CLASP1: variants seen among roughly 807,000 people sequenced by gnomAD.
CLASP1 encodes the protein CLIP-associating protein 1.
A neutral mutation model predicts 192.3 loss-of-function variants in CLASP1; 38 were observed. The ratio of observed to expected loss-of-function variants is 0.20; its 90% CI spans 0.15 to 0.26. The LOEUF is 0.26. CLASP1 is among the 10% of genes least tolerant of loss of function. The pLI is 1.00. For missense variants in CLASP1, 1,433 were observed against 1,932.5 expected, an observed-to-expected ratio of 0.74 and a Z score of 4.85; for synonymous variants, 691 against 712.8, an observed-to-expected ratio of 0.97 and a Z score of 0.49.
exon 40 of CLASP1, chr2:121,340,906 G>T (rs1422882206): frequency 1.2e-6 from 2 of 1,611,790 alleles, no homozygotes; most frequent in Non-Finnish European, 1.7e-6. Flanking sequence ...TGTTGCTGTT[G>T]GTGGTCTGGG....
intron 8 of CLASP1, among the ~76,000 whole-genome samples, chr2:121,479,121 A>G (rs1168683736): frequency 6.8e-6 from 1 of 146,606 alleles, no homozygotes; most frequent in Non-Finnish European, 1.5e-5. Context: ...CCTAAGACCA[A>G]GAACAAGGGA....
At chr2:121,578,496 G>A (rs889272483) in intron 2 of CLASP1, among the ~76,000 whole-genome samples, 15 of 148,618 alleles carry the variant, frequency 1.0e-4, no homozygotes, top group Admixed American at 4.0e-4. Context: ...TTGGGAGGCC[G>A]AGGCTGGCGG....
exon 2 of CLASP1, chr2:121,605,961 C>T (rs1181466415): frequency 1.4e-5 from 20 of 1,446,066 alleles, no homozygotes; most frequent in South Asian, 3.7e-5. Context: ...TCCCAGCAGA[C>T]GTATCTGGGA....
chr2:121,477,267 T>C (rs1331583302), intron 8 of CLASP1, among the ~76,000 whole-genome samples: 1 of 152,252 alleles, frequency 6.6e-6, no homozygotes, highest in Non-Finnish European at 1.5e-5. Context: ...TGTGAATGGA[T>C]GAAAATCTTT....
intron 5 of CLASP1, among the ~76,000 whole-genome samples, chr2:121,526,742 T>C (rs1358452029): frequency 6.6e-6 from 1 of 152,230 alleles, no homozygotes; most frequent in Admixed American, 6.5e-5. Context: ...AGTGATTACC[T>C]GAAGGTAACA....
At chr2:121,645,615 C>T (rs2073041141) in intron 1 of CLASP1, among the ~76,000 whole-genome samples, 1 of 152,142 alleles carries the variant, frequency 6.6e-6, no homozygotes, top group Admixed American at 6.5e-5. Context: ...CCTGTGCCAT[C>T]AAGGATCTAG....
chr2:121,382,359 A>C, intron 32 of CLASP1, 35 bp from the exon 34 acceptor site: 1 of 1,392,944 alleles, frequency 7.2e-7, no homozygotes. Context: ...CAGAGAGAGA[A>C]ATACAAAAAG....
chr2:121,526,917 C>A (rs1005289666), intron 5 of CLASP1, among the ~76,000 whole-genome samples: 2 of 151,956 alleles, frequency 1.3e-5, no homozygotes, highest in Non-Finnish European at 2.9e-5. Context: ...TAGATAAATA[C>A]AAATTAAAAC....
intron 1 of CLASP1, among the ~76,000 whole-genome samples, chr2:121,635,099 T>C (rs752535008): frequency 6.6e-6 from 1 of 151,776 alleles, no homozygotes; most frequent in Non-Finnish European, 1.5e-5. Context: ...CCCAGCACTT[T>C]AGGAGGCTGA....
chr2:121,621,985 T>C (rs925708770), intron 1 of CLASP1, among the ~76,000 whole-genome samples: 17 of 152,050 alleles, frequency 1.1e-4, no homozygotes, highest in African/African-American at 4.1e-4. Flanking sequence ...CCAGCTGGGA[T>C]TACAGGCGTG....
In CLASP1 at chr2:121,480,647, G is replaced by A. The variant is rs548411300; in HGVS notation, c.713-10687C>T. ...GCTTCTGTTTCCCTGTGTGAAAAAG[G>A]ATGATCCTGTCTACCTATGAAATGT... On this transcript the variant is annotated intron_variant, in intron 8 of 39. Transcript: ENST00000263710. Among the ~76,000 whole-genome samples, 3 of 152,294 alleles carry A rather than the reference G, an allele frequency of 2.0e-5. 1 individual carries two copies. Among genetic ancestry groups the A allele is most frequent in the African/African-American group, 7.2e-5 (3 of 41,562 alleles).
In CLASP1 at chr2:121,569,276, G is replaced by A. The variant is rs143839431; in HGVS notation, c.195+36425C>T. On this transcript the variant is annotated intron_variant, in intron 2 of 39. Transcript: ENST00000263710. ...TTTCTAAACAGTGAGTTTAAGCTGAGACCCAAATGATAGGATATAGCTCAT... is the reference window on the plus strand; with the variant it reads ...TTTCTAAACAGTGAGTTTAAGCTGAAACCCAAATGATAGGATATAGCTCAT... Among the ~76,000 whole-genome samples, 250 of 152,258 alleles carry A rather than the reference G, an allele frequency of 1.6e-3. 1 individual carries two copies. The highest frequency in any genetic ancestry group is 6.8e-3 in the Middle Eastern group (2 of 294).
At chr2:121,398,898 C>T (rs546132815) in intron 28 of CLASP1, among the ~76,000 whole-genome samples, 3 of 152,218 alleles carry the variant, frequency 2.0e-5, no homozygotes, top group Non-Finnish European at 4.4e-5. Flanking sequence ...GGCGACAAAA[C>T]ATTTCCCATC....
rs1215444039 is a variant in CLASP1 at position 121,459,961 on chromosome 2, G to A, written c.1178+19C>T. On this transcript the variant is annotated intron_variant, in intron 12 of 39. Transcript: ENST00000263710. ...TGACACTATTTTATGGTGAGAATATGGAGCATCGCAGTCCTTACCCCAACG... is the reference window on the plus strand; with the variant it reads ...TGACACTATTTTATGGTGAGAATATAGAGCATCGCAGTCCTTACCCCAACG... 1 of 1,600,920 alleles carries A rather than the reference G, an allele frequency of 6.2e-7. No homozygotes were observed. The highest frequency in any genetic ancestry group is 8.5e-7 in the Non-Finnish European group (1 of 1,173,844).
intron 36 of CLASP1, 44 bp downstream of exon 37, chr2:121,365,050 C>T (rs1573841110): frequency 6.3e-7 from 1 of 1,576,644 alleles, no homozygotes; most frequent in Non-Finnish European, 8.7e-7. Flanking sequence ...ATCGTGACCC[C>T]ATTACATGGA....
intron 2 of CLASP1, among the ~76,000 whole-genome samples, chr2:121,569,635 C>T (rs1434198297): frequency 2.0e-5 from 3 of 151,530 alleles, no homozygotes; most frequent in Non-Finnish European, 4.4e-5. Flanking sequence ...GGCAAATCAC[C>T]TGAGATCAGG....
intron 1 of CLASP1, among the ~76,000 whole-genome samples, chr2:121,624,667 T>C (rs1245473555): frequency 6.6e-6 from 1 of 152,246 alleles, no homozygotes; most frequent in Non-Finnish European, 1.5e-5. Flanking sequence ...TCCACCTGCC[T>C]TGGCCTCCCA....
At chr2:121,403,535 T>C (rs2076446598) in intron 26 of CLASP1, 4 of 456,294 alleles carry the variant, frequency 8.8e-6, no homozygotes, top group African/African-American at 2.0e-5. Context: ...AAAACTGTAG[T>C]TGATCCTGCA....
intron 4 of CLASP1, 51 bp downstream of exon 4, chr2:121,528,626 G>C: frequency 7.2e-7 from 1 of 1,390,204 alleles, no homozygotes; most frequent in Non-Finnish European, 1.0e-6. Context: ...CCTCGCACGT[G>C]CATGCACGCG....
Sources: gnomAD v4.1 joint callset for allele counts (sites outside exome capture counted in the v4.1 genomes callset) on GRCh38, gnomAD v4.1.1 for gene constraint, MANE v1.5 for transcripts, NCBI Gene and HGNC (gene_info 2026-07-23, HGNC 2026-07-21) for gene names.